Variants in HIVEP1 observed in about 807,000 individuals in gnomAD.
HIVEP1 encodes the protein HIVEP zinc finger 1.
Under a neutral mutation model 180.0 loss-of-function variants are expected in HIVEP1, and 36 were observed. That is an observed-to-expected ratio of 0.20 (90% CI 0.15 to 0.26). The LOEUF (loss-of-function observed/expected upper bound fraction) is 0.26. Ranked by LOEUF, HIVEP1 falls within the 10% of genes least tolerant of loss-of-function variation. The pLI is 1.00. For synonymous variants in HIVEP1, 1,239 were observed against 1,239.0 expected (o/e 1.00, Z 0.00); for missense variants, 3,143 against 3,268.7 (o/e 0.96, Z 0.94).
At chr6:12,082,221 G>A (rs1281195824) in intron 2 of HIVEP1, among the ~76,000 whole-genome samples, 1 of 152,098 alleles carries the variant, frequency 6.6e-6, no homozygotes, top group East Asian at 1.9e-4. Flanking sequence ...CATTCCTGGA[G>A]TATCTGATTC....
intron 7 of HIVEP1, among the ~76,000 whole-genome samples, chr6:12,138,506 G>A (rs1268921977): frequency 6.6e-6 from 1 of 152,154 alleles, no homozygotes; most frequent in Non-Finnish European, 1.5e-5. Context: ...ACTGTTTCTA[G>A]CCTTCCACTA....
At chr6:12,089,755 A>G (rs1403128776) in intron 3 of HIVEP1, among the ~76,000 whole-genome samples, 1 of 152,146 alleles carries the variant, frequency 6.6e-6, no homozygotes, top group Non-Finnish European at 1.5e-5. Context: ...TGATGGTGAT[A>G]ACTTATCAAA....
At chr6:12,168,288 TACA>T (rs767318619), downstream of HIVEP1, among the ~76,000 whole-genome samples, 21,233 of 115,258 alleles carry the variant, frequency 0.18, 3,069 homozygotes, top group East Asian at 0.44. Flanking sequence ...ATATATTATA[TACA>T]TATATACATA....
the HIVEP1 span, among the ~76,000 whole-genome samples, chr6:12,191,481 C>T: frequency 2.0e-5 from 3 of 152,264 alleles, no homozygotes; most frequent in African/African-American, 2.4e-5. Context: ...GTAGTCCCAA[C>T]TACTCAGGAG....
At chr6:12,033,442 G>C (rs1769085460) in intron 2 of HIVEP1, among the ~76,000 whole-genome samples, 1 of 152,016 alleles carries the variant, frequency 6.6e-6, no homozygotes. Flanking sequence ...GCAAAGCAAG[G>C]TCTCTAAGAG....
the HIVEP1 span, among the ~76,000 whole-genome samples, chr6:12,185,023 C>A: frequency 6.6e-6 from 1 of 152,160 alleles, no homozygotes; most frequent in Non-Finnish European, 1.5e-5. Flanking sequence ...AAGGAAGGGA[C>A]TTCTGATTAT....
intron 3 of HIVEP1, among the ~76,000 whole-genome samples, chr6:12,103,563 A>ATT (rs551545045): frequency 8.9e-5 from 13 of 145,790 alleles, no homozygotes; most frequent in Admixed American, 2.7e-4. Context: ...GAGACTTACT[A>ATT]TTTTTTTTTT....
chr6:12,145,394 G>A (rs1236304251), intron 7 of HIVEP1, among the ~76,000 whole-genome samples: 2 of 151,904 alleles, frequency 1.3e-5, no homozygotes, highest in African/African-American at 4.8e-5. Context: ...GGGAGGGATA[G>A]CATTAGGAGA....
chr6:12,073,132 T>A (rs1772095140), intron 2 of HIVEP1, among the ~76,000 whole-genome samples: 1 of 152,244 alleles, frequency 6.6e-6, no homozygotes, highest in Non-Finnish European at 1.5e-5. Flanking sequence ...CATAGACTGG[T>A]GGAGGCTTGC....
the HIVEP1 span, among the ~76,000 whole-genome samples, chr6:12,187,893 T>C: frequency 5.3e-5 from 8 of 152,118 alleles, no homozygotes; most frequent in African/African-American, 1.9e-4. Flanking sequence ...GCCATAAATC[T>C]TTTTCCTTTA....
chr6:12,113,160 A>G (rs890014265), intron 3 of HIVEP1, among the ~76,000 whole-genome samples: 1 of 151,020 alleles, frequency 6.6e-6, no homozygotes, highest in Non-Finnish European at 1.5e-5. Flanking sequence ...AGCCCATCCT[A>G]ATTCAAAGGC....
At position 12,164,609 on chromosome 6, in the gene HIVEP1, G is replaced by A. The variant is rs1581820429; in HGVS notation, c.*148G>A. ...ACTTTTGACCAATAATTGTTGTTTTGTGTCAGCTCCAGCCATTTTTGTACA... is the reference window on the plus strand; with the variant it reads ...ACTTTTGACCAATAATTGTTGTTTTATGTCAGCTCCAGCCATTTTTGTACA... On this transcript the variant is annotated 3_prime_UTR_variant, in exon 9 of 9. Coordinates refer to ENST00000379388, the MANE Select transcript of HIVEP1 (RefSeq NM_002114.4). 3.0e-6 allele frequency: 2 copies of A among 673,998 alleles called. No individual in the cohort carries two copies. The highest frequency in any genetic ancestry group is 3.2e-5 in the Admixed American group (1 of 31,186). The allele number at this position is 673,998 out of a possible 1,614,324, so 41.8% of individuals were successfully genotyped here.
Position 12,046,010 on chromosome 6 carries a change from C to T in HIVEP1, c.40+30342C>T, listed in dbSNP as rs191674658. Among the ~76,000 whole-genome samples, 17 of 152,242 alleles carry T rather than the reference C, an allele frequency of 1.1e-4. No individual in the cohort carries two copies. The East Asian group carries it at 2.1e-3, about 19-fold the overall frequency. On this transcript the variant is annotated intron_variant, in intron 2 of 8. Transcript: ENST00000379388. Reference sequence around the variant, plus strand: ...TGAGTCTGAAAAGAATGTTAAGTATCTTCTTTGAAATGTCAAGTGAAGAGA... The same window carrying T: ...TGAGTCTGAAAAGAATGTTAAGTATTTTCTTTGAAATGTCAAGTGAAGAGA...
intron 2 of HIVEP1, among the ~76,000 whole-genome samples, chr6:12,055,346 G>T (rs1332583926): frequency 6.6e-6 from 1 of 152,098 alleles, no homozygotes; most frequent in Non-Finnish European, 1.5e-5. Flanking sequence ...GGTGGCACGT[G>T]CCTGTAATCC....
At chr6:12,168,117 T>C (rs1470666036), downstream of HIVEP1, among the ~76,000 whole-genome samples, 1 of 74,578 alleles carries the variant, frequency 1.3e-5, no homozygotes, top group Non-Finnish European at 2.5e-5. Context: ...ATGTATATTA[T>C]ATATACATAT....
At chr6:12,143,121 A>C (rs1362377926) in intron 7 of HIVEP1, among the ~76,000 whole-genome samples, 1 of 152,248 alleles carries the variant, frequency 6.6e-6, no homozygotes, top group African/African-American at 2.4e-5. Context: ...ATGAACATCG[A>C]TGTGAAAATC....
chr6:12,174,483 G>A, the HIVEP1 span, among the ~76,000 whole-genome samples: 2 of 152,084 alleles, frequency 1.3e-5, no homozygotes, highest in Admixed American at 1.3e-4. Context: ...GTACCCCCAG[G>A]TCAGTGCTCT....
chr6:12,167,624 A>ATACATGTTATAT (rs1760743477), downstream of HIVEP1, among the ~76,000 whole-genome samples: 2 of 120,696 alleles, frequency 1.7e-5, no homozygotes, highest in South Asian at 4.6e-4. Context: ...ACATGTATAT[A>ATACATGTTATAT]TACATGTTAT....
In HIVEP1 at chr6:12,120,437, C is replaced by T. The variant is rs771914080; in HGVS notation, c.642C>T (p.Gly214=). The change falls in exon 4 of 9, where the codon GGC becomes GGT. Residue 214 remains glycine, a synonymous_variant. Transcript: ENST00000379388. ...EPELSTLSQK[G]SPCAIKTEKL... ...AACTGAGCACCTTGTCACAAAAGGG[C>T]TCACCTTGTGCAATTAAGACAGAAA... is the stretch of plus-strand genomic sequence containing the variant. 13 of 1,614,168 alleles carry T rather than the reference C, an allele frequency of 8.1e-6. No individual in the cohort carries two copies. The South Asian group carries it at 1.3e-4, about 16-fold the overall frequency.
Sources: allele counts gnomAD v4.1 joint callset (sites outside exome capture counted in the v4.1 genomes callset), GRCh38; gene constraint gnomAD v4.1.1; transcripts MANE v1.5; gene names NCBI Gene and HGNC (gene_info 2026-07-23, HGNC 2026-07-21).